PDE4A: variants seen among roughly 807,000 people sequenced by gnomAD.
PDE4A encodes the protein 3',5'-cyclic-AMP phosphodiesterase 4A.
In PDE4A, 21 loss-of-function variants were observed where a neutral mutation model predicts 73.9. That is an observed-to-expected ratio of 0.28 (90% confidence interval 0.20 to 0.41). The LOEUF (loss-of-function observed/expected upper bound fraction) is 0.41, where lower values mean the gene tolerates loss of function less well. PDE4A is among the 10% of genes least tolerant of loss of function. PDE4A has a pLI of 1.00. For missense variants in PDE4A, 958 were observed against 1,211.4 expected, an observed-to-expected ratio of 0.79 and a Z score of 3.10; for synonymous variants, 463 against 505.4, an observed-to-expected ratio of 0.92 and a Z score of 1.13.
intron 6 of PDE4A, chr19:10,452,983 C>T (rs1599439872): frequency 1.6e-6 from 2 of 1,263,992 alleles, no homozygotes; most frequent in East Asian, 3.8e-5. Flanking sequence ...GGGACCCTTG[C>T]CCTGCCCCCC....
rs1033970504 is a variant in PDE4A, at chr19:10,453,042, G to C, written c.784-1787G>C. 1 of 1,339,990 alleles carries C rather than the reference G, an allele frequency of 7.5e-7. No homozygotes were observed. Among genetic ancestry groups the C allele is most frequent in the Non-Finnish European group, 9.5e-7 (1 of 1,047,312 alleles). The allele number at this position is 1,339,990 out of a possible 1,614,324, so 83.0% of individuals were successfully genotyped here. A position where few individuals can be genotyped will look rare whatever the true frequency, so the allele number is the denominator to read the frequency against. On this transcript the variant is annotated intron_variant, in intron 6 of 14. Transcript: ENST00000380702. The surrounding 1 kb of genome is among the most constrained non-coding windows in gnomAD (Gnocchi z 4.6). ...CGCCTCCACCCACTGCCGCGGGGGG[G>C]CCCGTTGGGGCCCAGGGCTGGCGGG...
At chr19:10,416,885 A>G, upstream of PDE4A, 1 of 1,534,666 alleles carries the variant, frequency 6.5e-7, no homozygotes, top group Non-Finnish European at 8.7e-7. Flanking sequence ...GTCTTGTAGG[A>G]GGCCCTGGCC....
rs1031544760 is a variant in PDE4A at position 10,424,656 on chromosome 19, G to C, written c.320+3572G>C. The stretch of plus-strand genomic sequence containing the variant: ...AGAGCGGGCGCCAGGCCGGCTGACC[G>C]CAGGCTGCGTGTGGGGTCCTCGCCC... On this transcript the variant is annotated intron_variant, in intron 1 of 14. Transcript: ENST00000380702. This position sits in a 1 kb window ranked among gnomAD's most constrained non-coding sequence, Gnocchi z 4.8. Among the ~76,000 whole-genome samples, 1 of 152,218 alleles carries C rather than the reference G, an allele frequency of 6.6e-6. No homozygotes were observed. Among genetic ancestry groups the C allele is most frequent in the Admixed American group, 6.5e-5 (1 of 15,280 alleles).
chr19:10,448,249 G>A (rs1486772220), intron 2 of PDE4A, among the ~76,000 whole-genome samples: 3 of 151,594 alleles, frequency 2.0e-5, no homozygotes, highest in Admixed American at 6.6e-5. Context: ...ACAGGCGTGC[G>A]TCACCACACC....
In PDE4A at chr19:10,469,365, A is replaced by G. The variant is rs1249681837; in HGVS notation, c.*1744A>G. The G allele has an allele frequency of 6.6e-6, 1 of 152,210 alleles. No homozygotes were observed. Among genetic ancestry groups the G allele is most frequent in the Non-Finnish European group, 1.5e-5 (1 of 68,042 alleles). The allele number at this position is 152,210 out of a possible 1,614,324, so 9.4% of individuals were successfully genotyped here. On this transcript the variant is annotated 3_prime_UTR_variant, in exon 15 of 15. Coordinates refer to ENST00000380702, the MANE Select transcript of PDE4A (RefSeq NM_001111307.2). ...ACAAACTGTACCATAGTCCTGGGAAAAGGGTGGACTCACCGCTGTTGTTTT... is the reference window on the plus strand; with the variant it reads ...ACAAACTGTACCATAGTCCTGGGAAGAGGGTGGACTCACCGCTGTTGTTTT...
rs2042698325 is a variant in PDE4A, at chr19:10,424,946, G to T, written c.320+3862G>T. Reference sequence around the variant, plus strand: ...AATAGGAGTTAAAAACCAGATCTCGGCCAGGCGCGGTGGCTCTGTAATCTG... The same window carrying T: ...AATAGGAGTTAAAAACCAGATCTCGTCCAGGCGCGGTGGCTCTGTAATCTG... On this transcript the variant is annotated intron_variant, in intron 1 of 14. Transcript: ENST00000380702. The surrounding 1 kb of genome is among the most constrained non-coding windows in gnomAD (Gnocchi z 4.8). 6.6e-6 allele frequency among the ~76,000 whole-genome samples: 1 copy of T among 152,246 alleles called. No homozygotes were observed. Among genetic ancestry groups the T allele is most frequent in the Non-Finnish European group, 1.5e-5 (1 of 68,050 alleles).
intron 1 of PDE4A, chr19:10,430,956 G>A (rs998765785): frequency 3.8e-5 from 58 of 1,531,572 alleles, no homozygotes; most frequent in Non-Finnish European, 4.8e-5. Flanking sequence ...GGCCCCGCGC[G>A]CGCCCCGCCG....
At chr19:10,430,873 T>A in intron 1 of PDE4A, 11 of 1,358,472 alleles carry the variant, frequency 8.1e-6, no homozygotes, top group Admixed American at 2.7e-5. Flanking sequence ...CTAGGCCGCA[T>A]CCCGGAGCTG....
upstream of PDE4A, chr19:10,416,934 G>A: frequency 6.5e-7 from 1 of 1,541,578 alleles, no homozygotes; most frequent in Non-Finnish European, 8.7e-7. Context: ...GGCGCGCTAG[G>A]TTGGCGAGAT....
At position 10,463,834 on chromosome 19, in the gene PDE4A, C is replaced by T. The variant is rs138164292; in HGVS notation, c.1785C>T (p.Pro595=). 516 of 1,614,172 alleles carry T rather than the reference C, an allele frequency of 3.2e-4. No individual in the cohort carries two copies. Among genetic ancestry groups the T allele is most frequent in the Non-Finnish European group, 4.2e-4 (492 of 1,180,020 alleles). ...NMVHCADLSN[P]TKPLELYRQW... ...TGCACTGTGCCGACCTCAGCAACCCCACCAAGCCGCTGGAGCTGTACCGCC... is the reference window on the plus strand; with the variant it reads ...TGCACTGTGCCGACCTCAGCAACCCTACCAAGCCGCTGGAGCTGTACCGCC... Residue 595 remains proline (P), a synonymous_variant, in exon 14 of 15, where the codon CCC becomes CCT. Coordinates refer to ENST00000380702, the MANE Select transcript of PDE4A (RefSeq NM_001111307.2).
intron 1 of PDE4A, among the ~76,000 whole-genome samples, chr19:10,422,769 C>T (rs534379185): frequency 3.3e-5 from 5 of 152,226 alleles, no homozygotes; most frequent in African/African-American, 1.2e-4. Context: ...TGACATTTCC[C>T]AAAGGGAACT....
intron 11 of PDE4A, 106 bp downstream of exon 11, chr19:10,461,209 C>G: frequency 1.1e-6 from 1 of 908,006 alleles, no homozygotes; most frequent in South Asian, 2.8e-5. Flanking sequence ...GGCCTGGGGG[C>G]GGGGCTGGCT....
chr19:10,456,968 C>T (rs1245912700), intron 7 of PDE4A, among the ~76,000 whole-genome samples: 1 of 152,116 alleles, frequency 6.6e-6, no homozygotes, highest in Non-Finnish European at 1.5e-5. Flanking sequence ...GAGGCCGAGG[C>T]AGGCGGATCA....
chr19:10,419,197 G>A (rs2042616509), upstream of PDE4A: 5 of 247,508 alleles, frequency 2.0e-5, no homozygotes, highest in Non-Finnish European at 3.0e-5. Flanking sequence ...CCGCAGCAGA[G>A]CAGTTTCGCG....
At chr19:10,465,360 A>G (rs1162780210) in intron 14 of PDE4A, among the ~76,000 whole-genome samples, 1 of 151,852 alleles carries the variant, frequency 6.6e-6, no homozygotes, top group African/African-American at 2.4e-5. Context: ...AGCTGGAATT[A>G]CAGGCATGCG....
In PDE4A at chr19:10,431,438, T is replaced by C. The variant is rs187243062; in HGVS notation, c.320+10354T>C. On this transcript the variant is annotated intron_variant, in intron 1 of 14. Transcript: ENST00000380702. The stretch of plus-strand genomic sequence containing the variant: ...CCTGTGAAATGGGGCCAGTCATGCC[T>C]TCTGTGGGTGGCCTTGCGGTGAGGC... 1.1e-3 allele frequency among the ~76,000 whole-genome samples: 173 copies of C among 152,276 alleles called. 1 individual carries two copies. The highest frequency in any genetic ancestry group is 4.1e-3 in the African/African-American group (172 of 41,554).
chr19:10,458,762 G>T lies in PDE4A; in HGVS notation c.1102-638G>T, dbSNP rs750284991. On this transcript the variant is annotated intron_variant, in intron 8 of 14. Transcript: ENST00000380702. The surrounding 1 kb of genome is among the most constrained non-coding windows in gnomAD (Gnocchi z 4.6). ...CCCTCCTGACTAGCCGGGACTAAAG[G>T]CCTGTGCCAGCACACCTGGCTAATT... Among the ~76,000 whole-genome samples the T allele has an allele frequency of 6.6e-5, 10 of 152,134 alleles. No individual in the cohort carries two copies. Among genetic ancestry groups the T allele is most frequent in the African/African-American group, 2.4e-4 (10 of 41,422 alleles).
intron 6 of PDE4A, 69 bp downstream of exon 6, chr19:10,451,010 G>T (rs1434789798): frequency 1.4e-6 from 2 of 1,444,878 alleles, no homozygotes; most frequent in Non-Finnish European, 9.5e-7. Flanking sequence ...AGAGCCAACC[G>T]CTGGATGGGA....
chr19:10,417,503 C>G (rs1315893320), upstream of PDE4A: 5 of 981,630 alleles, frequency 5.1e-6, no homozygotes, highest in Non-Finnish European at 6.0e-6. Flanking sequence ...GGCAGGGCAC[C>G]CTCTGTGTGA....
Sources: allele counts gnomAD v4.1 joint callset (sites outside exome capture counted in the v4.1 genomes callset), GRCh38; gene constraint gnomAD v4.1.1; non-coding constraint Gnocchi (gnomAD v3.1); transcripts MANE v1.5; gene names NCBI Gene and HGNC (gene_info 2026-07-23, HGNC 2026-07-21).